The following TTC7A variants were observed in gnomAD, a reference collection of about 807,000 sequenced individuals.
TTC7A encodes the protein tetratricopeptide repeat protein 7A.
Under a neutral mutation model 103.7 loss-of-function variants are expected in TTC7A, and 110 were observed. That is an observed-to-expected ratio of 1.06 (90% CI 0.91 to 1.24). The LOEUF is 1.24. TTC7A is among the 50% of genes most tolerant of loss of function. TTC7A has a pLI of 0.00. For missense variants in TTC7A, 1,340 were observed against 1,116.3 expected (o/e 1.20, Z -2.86); for synonymous variants, 521 against 467.9 (o/e 1.11, Z -1.47).
At chr2:46,983,669 T>A (rs1329083010) in intron 5 of TTC7A, among the ~76,000 whole-genome samples, 1 of 152,260 alleles carries the variant, frequency 6.6e-6, no homozygotes, top group Non-Finnish European at 1.5e-5. Flanking sequence ...TGCCGCCACT[T>A]TTCTTGTAAA....
intron 3 of TTC7A, among the ~76,000 whole-genome samples, chr2:46,960,390 A>G (rs1344576773): frequency 6.6e-6 from 1 of 152,172 alleles, no homozygotes; most frequent in East Asian, 1.9e-4. Context: ...CTCCTCTGGT[A>G]TACCTGATAT....
intron 2 of TTC7A, chr2:46,956,529 G>A (rs1671866730): frequency 6.0e-6 from 2 of 335,138 alleles, no homozygotes; most frequent in Admixed American, 8.0e-5. Flanking sequence ...CAGTCTTTGG[G>A]GGGATTCAGG....
At chr2:46,968,705 A>G (rs533252635) in intron 3 of TTC7A, among the ~76,000 whole-genome samples, 5 of 152,280 alleles carry the variant, frequency 3.3e-5, no homozygotes, top group East Asian at 1.9e-4. Flanking sequence ...ATTTCTCTGA[A>G]TCATGACAGC....
intron 1 of TTC7A, among the ~76,000 whole-genome samples, chr2:46,946,427 A>G (rs1440677537): frequency 6.6e-6 from 1 of 151,800 alleles, no homozygotes. Flanking sequence ...TAATTTTTTT[A>G]ATTTTTATTT....
intron 9 of TTC7A, 65 bp downstream of exon 9, chr2:47,006,124 A>G: frequency 2.5e-6 from 4 of 1,581,802 alleles, no homozygotes; most frequent in Middle Eastern, 1.7e-4. Context: ...GAAATCAGAC[A>G]GAGCCATTTG....
At chr2:46,999,774 A>C in intron 8 of TTC7A, 1 of 985,476 alleles carries the variant, frequency 1.0e-6, no homozygotes, top group Non-Finnish European at 1.2e-6. Flanking sequence ...CTGGGGCATA[A>C]AAATATGTGC....
intron 18 of TTC7A, 88 bp from the exon 19 acceptor site, chr2:47,060,681 T>G: frequency 7.9e-7 from 1 of 1,270,060 alleles, no homozygotes; most frequent in Non-Finnish European, 1.1e-6. Flanking sequence ...CTAAGACTAG[T>G]TCCCTGGCTC....
At position 47,019,637 on chromosome 2, in the gene TTC7A, A is replaced by G. The variant is rs569586674; in HGVS notation, c.1393-2225A>G. On this transcript the variant is annotated intron_variant, in intron 11 of 19. Transcript: ENST00000319190. ...ATGATTAGCTCTTTTAATCTAGAAT[A>G]TGATGTATATGAACTGGAGAACAGA... Among the ~76,000 whole-genome samples the G allele has an allele frequency of 6.8e-4, 103 of 152,252 alleles. No individual in the cohort carries two copies. The South Asian group carries it at 9.3e-3, about 14-fold the overall frequency.
chr2:46,999,566 A>G, intron 8 of TTC7A: 1 of 985,328 alleles, frequency 1.0e-6, no homozygotes, highest in Non-Finnish European at 1.2e-6. Context: ...TCCCAAATGG[A>G]CTCCCATCTA....
intron 2 of TTC7A, 79 bp from the exon 3 acceptor site, chr2:46,956,760 C>A (rs1374101195): frequency 6.5e-7 from 1 of 1,537,910 alleles, no homozygotes; most frequent in Non-Finnish European, 9.0e-7. Context: ...CTGAGGCAAA[C>A]AAGGTCCAGG....
chr2:46,974,836 C>A, intron 3 of TTC7A, 137 bp from the exon 4 acceptor site: 1 of 1,242,050 alleles, frequency 8.1e-7, no homozygotes, highest in East Asian at 2.7e-5. Flanking sequence ...CCTCCCTCCC[C>A]TCCGCAGACC....
chr2:46,926,209 C>G (rs1273634773), intron 2 of TTC7A, among the ~76,000 whole-genome samples: 1 of 152,186 alleles, frequency 6.6e-6, no homozygotes, highest in Non-Finnish European at 1.5e-5. Context: ...GCCTTACCAT[C>G]TCCTCAGAGT....
intron 14 of TTC7A, among the ~76,000 whole-genome samples, chr2:47,026,060 C>CGGAGCCAGT (rs891268941): frequency 1.3e-5 from 2 of 152,220 alleles, no homozygotes; most frequent in African/African-American, 4.8e-5. Flanking sequence ...GCCAGGCCAG[C>CGGAGCCAGT]GGAGCCAGTG....
intron 8 of TTC7A, among the ~76,000 whole-genome samples, chr2:47,003,533 C>T (rs938917706): frequency 6.6e-6 from 1 of 152,134 alleles, no homozygotes; most frequent in Admixed American, 6.5e-5. Context: ...TAGATTTTAT[C>T]CTGATGGCCA....
At chr2:47,000,007 T>G (rs13402320) in intron 8 of TTC7A, 161,666 of 697,126 alleles carry the variant, frequency 0.23, 20,118 homozygotes, top group African/African-American at 0.42. Context: ...TGTGGCCTGG[T>G]TGAGCTTCTT....
rs112148745 is a variant in TTC7A at position 47,039,910 on chromosome 2, A to C, written c.1803-6405A>C. The stretch of plus-strand genomic sequence containing the variant: ...CTCACTGGTCTCTAACTTCCTCCAC[A>C]GAATCAGTGCTGCCCTAGACATACA... On this transcript the variant is annotated intron_variant, in intron 15 of 19. Transcript: ENST00000319190. 9.0e-4 allele frequency among the ~76,000 whole-genome samples: 137 copies of C among 152,356 alleles called. 1 individual carries two copies. Among genetic ancestry groups the C allele is most frequent in the African/African-American group, 3.2e-3 (132 of 41,586 alleles).
At position 47,016,961 on chromosome 2, in the gene TTC7A, G is replaced by T. The variant is rs974963054; in HGVS notation, c.1393-4901G>T. Among the ~76,000 whole-genome samples, 5 of 152,114 alleles carry T rather than the reference G, an allele frequency of 3.3e-5. No homozygotes were observed. In the East Asian group the frequency reaches 5.8e-4, roughly 18 times the overall value. The stretch of plus-strand genomic sequence containing the variant: ...CACCTGTAATCCCAGCACCTTGGGA[G>T]GCCGAGGTGGGTGGATCACCCGAGG... On this transcript the variant is annotated intron_variant, in intron 11 of 19. Transcript: ENST00000319190.
At chr2:47,012,159 G>A (rs1273573206) in intron 11 of TTC7A, among the ~76,000 whole-genome samples, 4 of 152,244 alleles carry the variant, frequency 2.6e-5, no homozygotes, top group Admixed American at 2.0e-4. Context: ...TGCTGCTCCA[G>A]GCCTATGGGG....
At chr2:47,031,004 C>T (rs1328022778) in intron 15 of TTC7A, among the ~76,000 whole-genome samples, 1 of 152,132 alleles carries the variant, frequency 6.6e-6, no homozygotes, top group Non-Finnish European at 1.5e-5. Context: ...AAAATTAGCT[C>T]GGTGTGATGG....
Sources: allele counts gnomAD v4.1 joint callset (sites outside exome capture counted in the v4.1 genomes callset), GRCh38; gene constraint gnomAD v4.1.1; transcripts MANE v1.5; gene names NCBI Gene and HGNC (gene_info 2026-07-23, HGNC 2026-07-21).